The following UBE2V2 variants were observed in gnomAD, a reference collection of about 807,000 sequenced individuals.
UBE2V2 encodes ubiquitin-conjugating enzyme E2 variant 2.
A neutral mutation model predicts 17.2 loss-of-function variants in UBE2V2; 9 were observed. The observed-to-expected ratio is 0.52, with a 90% confidence interval of 0.32 to 0.91. UBE2V2 has a LOEUF of 0.91. Among genes scored for constraint, UBE2V2 ranks in the 40% least tolerant of loss-of-function variants. The pLI is 0.04. For missense variants in UBE2V2, 133 were observed against 182.6 expected (o/e 0.73, Z 1.56); for synonymous variants, 61 against 57.5 (o/e 1.06, Z -0.28).
At chr8:48,009,042 TAAAAG>T (rs1158147999) in intron 1 of UBE2V2, among the ~76,000 whole-genome samples, 1 of 152,044 alleles carries the variant, frequency 6.6e-6, no homozygotes, top group Admixed American at 6.6e-5. Flanking sequence ...GCAAACAAAA[TAAAAG>T]ACCAGAGCAA....
At chr8:47,998,092 C>T in the UBE2V2 span, among the ~76,000 whole-genome samples, 1 of 151,948 alleles carries the variant, frequency 6.6e-6, no homozygotes, top group South Asian at 2.1e-4. Context: ...CAAAAGTTGT[C>T]TTAAGTCTCT....
chr8:48,040,046 T>G (rs2091451125), intron 1 of UBE2V2, among the ~76,000 whole-genome samples: 1 of 151,936 alleles, frequency 6.6e-6, no homozygotes, highest in Non-Finnish European at 1.5e-5. Flanking sequence ...TCTACTTTTT[T>G]TTTTTTTTTT....
At chr8:47,999,571 A>T in the UBE2V2 span, among the ~76,000 whole-genome samples, 1 of 151,976 alleles carries the variant, frequency 6.6e-6, no homozygotes, top group Non-Finnish European at 1.5e-5. Context: ...CATGTTAGCC[A>T]GGATGGTCTT....
At chr8:48,059,546 G>C (rs571080414) in intron 3 of UBE2V2, among the ~76,000 whole-genome samples, 2 of 151,838 alleles carry the variant, frequency 1.3e-5, no homozygotes, top group African/African-American at 4.8e-5. Flanking sequence ...GTAGCTGGGA[G>C]TACAGGCACG....
chr8:48,050,910 T>C (rs1437474106), intron 3 of UBE2V2, among the ~76,000 whole-genome samples: 2 of 152,146 alleles, frequency 1.3e-5, no homozygotes, highest in African/African-American at 2.4e-5. Context: ...CCCCAGGCTG[T>C]AGTGCAGTGG....
intron 1 of UBE2V2, among the ~76,000 whole-genome samples, chr8:48,019,121 C>A (rs2091287760): frequency 6.6e-6 from 1 of 152,134 alleles, no homozygotes. Context: ...AATCCCAGCA[C>A]TTTGAGAGGC....
At position 48,060,726 on chromosome 8, in the gene UBE2V2, A is replaced by C; in HGVS notation, c.336A>C (p.Ser112=). 8.4e-6 allele frequency: 13 copies of C among 1,543,874 alleles called. No individual in the cohort carries two copies. The highest frequency in any genetic ancestry group is 1.1e-5 in the Non-Finnish European group (13 of 1,147,906). The part of the protein sequence containing the change: ...SIPVLAKWQN[S]YSIKVVLQEL... ...CAGTGTTAGCAAAATGGCAAAATTC[A>C]TATAGCATTAAAGTTGTACTTCAAG... Residue 112 remains serine, a synonymous_variant, in exon 4 of 4, where the codon TCA becomes TCC. Coordinates refer to ENST00000523111, the MANE Select transcript of UBE2V2 (RefSeq NM_003350.3).
In UBE2V2 at chr8:48,008,481, G is replaced by C. The variant is rs777021338; in HGVS notation, c.16+11G>C. ...TGGCGGTCTCCACAGGTCGGTTCCC[G>C]GGCCGGGCTGCGTGATTTTCCGCTC... On this transcript the variant is annotated intron_variant, in intron 1 of 3. Transcript: ENST00000523111. The C allele has an allele frequency of 7.7e-6, 12 of 1,566,898 alleles. No homozygotes were observed. Among genetic ancestry groups the C allele is most frequent in the South Asian group, 2.3e-5 (2 of 86,898 alleles).
chr8:48,050,058 T>TATATTATG, intron 3 of UBE2V2, 80 bp downstream of exon 3: 2 of 1,018,704 alleles, frequency 2.0e-6, no homozygotes, highest in Non-Finnish European at 2.7e-6. Flanking sequence ...CCATAATATA[T>TATATTATG]GTAAGATATT....
At chr8:48,036,003 T>G (rs1008893564) in intron 1 of UBE2V2, among the ~76,000 whole-genome samples, 8 of 145,648 alleles carry the variant, frequency 5.5e-5, no homozygotes, top group Non-Finnish European at 1.0e-4. Context: ...CAGGCTAGAG[T>G]GTGGTGGCGT....
At chr8:48,008,341 C>T, upstream of UBE2V2, 1 of 1,363,756 alleles carries the variant, frequency 7.3e-7, no homozygotes, top group Non-Finnish European at 9.4e-7. Flanking sequence ...CGGGTCGCCC[C>T]GCGCCCGCCG....
intron 1 of UBE2V2, among the ~76,000 whole-genome samples, chr8:48,010,607 T>G (rs1324522868): frequency 1.3e-5 from 2 of 151,374 alleles, no homozygotes; most frequent in Non-Finnish European, 2.9e-5. Flanking sequence ...TTCACCATAT[T>G]GGCCAGGATG....
chr8:48,057,964 AG>A lies in UBE2V2; in HGVS notation c.292-2715del, dbSNP rs546488029. Among the ~76,000 whole-genome samples the A allele has an allele frequency of 2.4e-4, 36 of 152,184 alleles. No individual in the cohort carries two copies. The South Asian group carries it at 6.4e-3, about 27-fold the overall frequency. ...AGTTTTACTTCTTTTCTTTCTAATC[AG>A]GGTGCCTTTTATTTCGCTTCTTTGT... On this transcript the variant is annotated intron_variant, in intron 3 of 3. Coordinates refer to ENST00000523111, the MANE Select transcript of UBE2V2 (RefSeq NM_003350.3).
intron 2 of UBE2V2, among the ~76,000 whole-genome samples, chr8:48,044,298 A>G (rs2154507765): frequency 6.6e-6 from 1 of 152,128 alleles, no homozygotes; most frequent in East Asian, 1.9e-4. Context: ...GGTGGTGTGC[A>G]CCACCACTGC....
intron 1 of UBE2V2, among the ~76,000 whole-genome samples, chr8:48,023,220 CTTTTTTTTTTT>C (rs879721299): frequency 7.0e-6 from 1 of 143,100 alleles, no homozygotes; most frequent in Admixed American, 7.1e-5. Context: ...TTTAGATATA[CTTTTTTTTTTT>C]TTTGAGACAG....
chr8:48,009,610 A>T (rs1433255676), intron 1 of UBE2V2, among the ~76,000 whole-genome samples: 1 of 152,142 alleles, frequency 6.6e-6, no homozygotes, highest in African/African-American at 2.4e-5. Flanking sequence ...AGTATAGAGC[A>T]GTGTGATTTA....
chr8:48,008,555 G>C (rs1049802770), intron 1 of UBE2V2, 85 bp downstream of exon 1: 46 of 1,488,844 alleles, frequency 3.1e-5, no homozygotes, highest in Non-Finnish European at 3.9e-5. Flanking sequence ...AGCGCTGACC[G>C]TGCGGGAGAA....
At chr8:47,999,109 G>A in the UBE2V2 span, among the ~76,000 whole-genome samples, 1 of 152,136 alleles carries the variant, frequency 6.6e-6, no homozygotes, top group African/African-American at 2.4e-5. Context: ...AAGTCGGCTG[G>A]CTTCACCATG....
At chr8:48,046,149 T>C (rs1016580901) in intron 2 of UBE2V2, among the ~76,000 whole-genome samples, 12 of 152,010 alleles carry the variant, frequency 7.9e-5, no homozygotes, top group African/African-American at 2.9e-4. Context: ...AGACGGAGTC[T>C]TGCTCAGTCG....
Sources: gnomAD v4.1 joint callset for allele counts (sites outside exome capture counted in the v4.1 genomes callset) on GRCh38, gnomAD v4.1.1 for gene constraint, MANE v1.5 for transcripts, NCBI Gene and HGNC (gene_info 2026-07-23, HGNC 2026-07-21) for gene names.